FRMD6: variants seen among roughly 807,000 people sequenced by gnomAD.
FRMD6 encodes FERM domain containing 6.
Under a neutral mutation model 73.2 loss-of-function variants are expected in FRMD6, and 37 were observed. That is an observed-to-expected ratio of 0.51 (90% CI 0.39 to 0.66). The LOEUF is 0.66. Ranked by LOEUF, FRMD6 falls within the 30% of genes least tolerant of loss-of-function variation. FRMD6 has a pLI of 0.00. For missense variants in FRMD6, 714 were observed against 780.5 expected, an observed-to-expected ratio of 0.91 and a Z score of 1.02; for synonymous variants, 273 against 282.2, an observed-to-expected ratio of 0.97 and a Z score of 0.33.
intron 3 of FRMD6, among the ~76,000 whole-genome samples, chr14:51,700,608 C>A (rs760556359): frequency 6.6e-6 from 1 of 151,958 alleles, no homozygotes; most frequent in Non-Finnish European, 1.5e-5. Flanking sequence ...TGAGCTGATA[C>A]CGTGTTTTCT....
the FRMD6 span, among the ~76,000 whole-genome samples, chr14:51,399,437 C>T: frequency 6.6e-6 from 1 of 152,136 alleles, no homozygotes; most frequent in Non-Finnish European, 1.5e-5. Context: ...TACATGAGTG[C>T]CTAGTAAAAC....
chr14:51,664,182 C>G (rs1236721510), intron 1 of FRMD6, among the ~76,000 whole-genome samples: 1 of 152,162 alleles, frequency 6.6e-6, no homozygotes, highest in African/African-American at 2.4e-5. Flanking sequence ...AGCCATCATT[C>G]ACAGAGTAGA....
intron 1 of FRMD6, among the ~76,000 whole-genome samples, chr14:51,543,104 T>C (rs1886287854): frequency 6.6e-6 from 1 of 152,058 alleles, no homozygotes; most frequent in South Asian, 2.1e-4. Flanking sequence ...AAGTCTAATT[T>C]ATCTGTTTTT....
the FRMD6 span, among the ~76,000 whole-genome samples, chr14:51,439,031 T>G: frequency 6.6e-6 from 1 of 152,272 alleles, no homozygotes; most frequent in African/African-American, 2.4e-5. Context: ...AATGCCATTT[T>G]GCAGAGAAGA....
intron 5 of FRMD6, 147 bp from the exon 6 acceptor site, chr14:51,704,602 C>T (rs1896516789): frequency 1.6e-6 from 1 of 643,828 alleles, no homozygotes; most frequent in Non-Finnish European, 2.6e-6. Context: ...ATATTAGCTA[C>T]AACCGCTTCC....
At chr14:51,447,946 A>T in the FRMD6 span, among the ~76,000 whole-genome samples, 1 of 152,182 alleles carries the variant, frequency 6.6e-6, no homozygotes, top group Non-Finnish European at 1.5e-5. Context: ...TGTCTTGAAG[A>T]TACTACTCCC....
chr14:51,426,962 T>C, the FRMD6 span, among the ~76,000 whole-genome samples: 1 of 152,222 alleles, frequency 6.6e-6, no homozygotes, highest in South Asian at 2.1e-4. Flanking sequence ...AAAATAGATC[T>C]GGATTGGAAT....
At chr14:51,525,247 C>T (rs1885184394) in intron 1 of FRMD6, among the ~76,000 whole-genome samples, 1 of 151,468 alleles carries the variant, frequency 6.6e-6, no homozygotes, top group Non-Finnish European at 1.5e-5. Context: ...TTTTTAAAGG[C>T]CCTTCTTTAT....
intron 1 of FRMD6, among the ~76,000 whole-genome samples, chr14:51,521,880 T>C (rs1208574960): frequency 6.6e-6 from 1 of 152,216 alleles, no homozygotes; most frequent in African/African-American, 2.4e-5. Flanking sequence ...GATATTTATG[T>C]ACCATAAATT....
intron 1 of FRMD6, among the ~76,000 whole-genome samples, chr14:51,498,115 T>G (rs977109962): frequency 3.3e-5 from 5 of 152,248 alleles, no homozygotes; most frequent in Non-Finnish European, 7.3e-5. Context: ...ATTCCTTCTT[T>G]AATTCATCCG....
intron 1 of FRMD6, among the ~76,000 whole-genome samples, chr14:51,525,146 GGATGGATGGA>G (rs1246309424): frequency 8.7e-4 from 33 of 37,752 alleles, no homozygotes; most frequent in South Asian, 6.4e-3. Flanking sequence ...GTGGGTGGAT[GGATGGATGGA>G]TGGATGGATG....
intron 1 of FRMD6, among the ~76,000 whole-genome samples, chr14:51,551,773 G>A (rs6572773): frequency 0.018 from 2,704 of 151,690 alleles, 80 homozygotes; most frequent in African/African-American, 0.062. Flanking sequence ...TATAATATAT[G>A]TAATACATTT....
At chr14:51,615,162 G>C (rs1186012649) in intron 2 of FRMD6, among the ~76,000 whole-genome samples, 1 of 152,216 alleles carries the variant, frequency 6.6e-6, no homozygotes, top group Non-Finnish European at 1.5e-5. Context: ...AGTCCAGCCT[G>C]TTCTAGCTGC....
the FRMD6 span, among the ~76,000 whole-genome samples, chr14:51,419,240 C>T: frequency 6.6e-6 from 1 of 152,206 alleles, no homozygotes; most frequent in South Asian, 2.1e-4. Flanking sequence ...TGGAAATGCA[C>T]AAATCACCAG....
the FRMD6 span, among the ~76,000 whole-genome samples, chr14:51,443,513 G>A: frequency 2.0e-5 from 3 of 152,184 alleles, no homozygotes; most frequent in African/African-American, 2.4e-5. Flanking sequence ...ATATGAATGA[G>A]CAAAACACCC....
chr14:51,639,333 G>T (rs1891718686), intron 2 of FRMD6, among the ~76,000 whole-genome samples: 1 of 151,952 alleles, frequency 6.6e-6, no homozygotes, highest in East Asian at 1.9e-4. Context: ...TAATCGGGAG[G>T]CTGAGGCAGG....
intron 2 of FRMD6, among the ~76,000 whole-genome samples, chr14:51,597,292 G>T (rs1889771579): frequency 6.6e-6 from 1 of 152,198 alleles, no homozygotes; most frequent in South Asian, 2.1e-4. Context: ...ATGCCACACA[G>T]TACAATGGAA....
At chr14:51,699,476 C>A (rs1201427119) in intron 3 of FRMD6, among the ~76,000 whole-genome samples, 1 of 151,974 alleles carries the variant, frequency 6.6e-6, no homozygotes, top group Non-Finnish European at 1.5e-5. Context: ...TTTATAGCTT[C>A]CTTAGGTTTC....
Position 51,720,569 on chromosome 14 carries a change from A to G in FRMD6, c.1360+179A>G, listed in dbSNP as rs889990683. The G allele has an allele frequency of 3.3e-5, 20 of 614,408 alleles. 1 individual carries two copies. The South Asian group carries it at 3.7e-4, about 11-fold the overall frequency. 38.1% of individuals were successfully genotyped at this position (614,408 alleles called of 1,614,324 possible). A position where few individuals can be genotyped will look rare whatever the true frequency, so the allele number is the denominator to read the frequency against. On this transcript the variant is annotated intron_variant, in intron 11 of 13. Coordinates refer to ENST00000344768, the MANE Select transcript of FRMD6 (RefSeq NM_001267046.2). ...GCTTGTGTTTGGCTGTGAACAAAAC[A>G]TCCCTCTAGTTGTGATCCTTTGCGG... is the stretch of plus-strand genomic sequence containing the variant.
Sources: gnomAD v4.1 joint callset for allele counts (sites outside exome capture counted in the v4.1 genomes callset) on GRCh38, gnomAD v4.1.1 for gene constraint, MANE v1.5 for transcripts, NCBI Gene and HGNC (gene_info 2026-07-23, HGNC 2026-07-21) for gene names.